Variants in PGM1 observed in about 807,000 individuals in gnomAD.
PGM1 encodes the protein phosphoglucomutase-1.
PGM1 carries 52 observed loss-of-function variants against 55.6 expected under a neutral mutation model. The ratio of observed to expected loss-of-function variants is 0.94; its 90% CI spans 0.75 to 1.18. PGM1 has a LOEUF of 1.18. Ranked by LOEUF, PGM1 falls within the 50% of genes most tolerant of loss-of-function variation. The probability of loss-of-function intolerance (pLI) is 0.00; values close to 1 mark genes in which losing one functional copy is unlikely to be tolerated. For missense variants in PGM1, 724 were observed against 729.3 expected (o/e 0.99, Z 0.08); for synonymous variants, 287 against 271.7 (o/e 1.06, Z -0.55).
At chr1:63,597,303 A>G (rs1471115604) in intron 1 of PGM1, among the ~76,000 whole-genome samples, 1 of 152,206 alleles carries the variant, frequency 6.6e-6, no homozygotes, top group Non-Finnish European at 1.5e-5. Context: ...GGGAGTTTAG[A>G]TTAGATACAA....
At position 63,593,571 on chromosome 1, in the gene PGM1, TGTTCCA is replaced by T; in HGVS notation, c.85_90del (p.Phe29_Gln30del). ...AGCGGGCTGCGGAAGCGGGTGAAGG[TGTTCCA>T]GAGCAGCGCCAACTACGCGGAGAAC... On this transcript the variant is annotated inframe_deletion, in exon 1 of 11. Transcript: ENST00000371084. 1 of 1,613,646 alleles carries T rather than the reference TGTTCCA, an allele frequency of 6.2e-7. No individual in the cohort carries two copies. The highest frequency in any genetic ancestry group is 1.1e-5 in the South Asian group (1 of 91,058).
chr1:63,613,429 G>A (rs1219850056), intron 1 of PGM1, among the ~76,000 whole-genome samples: 1 of 151,950 alleles, frequency 6.6e-6, no homozygotes, highest in Non-Finnish European at 1.5e-5. Flanking sequence ...AAGGCTCTAG[G>A]GGAGACTCTT....
At chr1:63,618,517 A>G (rs1350791692) in intron 1 of PGM1, among the ~76,000 whole-genome samples, 1 of 152,182 alleles carries the variant, frequency 6.6e-6, no homozygotes, top group Non-Finnish European at 1.5e-5. Context: ...AATGCCAAAT[A>G]TACCTAGTTT....
intron 7 of PGM1, among the ~76,000 whole-genome samples, chr1:63,645,301 A>T (rs965715285): frequency 6.6e-6 from 1 of 152,204 alleles, no homozygotes; most frequent in African/African-American, 2.4e-5. Flanking sequence ...TAAAAGAAAA[A>T]ATCAAATTCC....
At position 63,634,928 on chromosome 1, in the gene PGM1, A is replaced by G. The variant is rs1164462551; in HGVS notation, c.782A>G (p.His261Arg). ...CVPLEDFGGHHPDPNLTYAAD... is the reference protein window; with the variant it reads ...CVPLEDFGGHRPDPNLTYAAD... ...CCTCTGGAGGACTTTGGAGGCCACC[A>G]CCCTGACCCCAACCTCACCTATGCA... Residue 261 changes from histidine to arginine, a missense_variant, in exon 5 of 11, where the codon CAC becomes CGC. Around this residue, in one of 3 missense-constraint regions of PGM1, gnomAD observed 379 missense variants for 357.5 expected, o/e 1.06. Coordinates refer to ENST00000371084, the MANE Select transcript of PGM1 (RefSeq NM_002633.3). 6.2e-7 allele frequency: 1 copy of G among 1,614,036 alleles called. No homozygotes were observed. The highest frequency in any genetic ancestry group is 8.5e-7 in the Non-Finnish European group (1 of 1,179,996).
intron 1 of PGM1, among the ~76,000 whole-genome samples, chr1:63,620,515 G>A (rs370539490): frequency 7.2e-5 from 11 of 152,332 alleles, no homozygotes; most frequent in East Asian, 1.9e-4. Context: ...AATTCTTGGT[G>A]TGAAGAGGTG....
chr1:63,636,668 C>A (rs1056492872), intron 6 of PGM1, among the ~76,000 whole-genome samples: 2 of 152,238 alleles, frequency 1.3e-5, no homozygotes, highest in Non-Finnish European at 2.9e-5. Context: ...CTGTATACTT[C>A]TGCAGAGAAA....
intron 1 of PGM1, among the ~76,000 whole-genome samples, chr1:63,628,400 G>A (rs1175478895): frequency 6.6e-5 from 10 of 152,104 alleles, no homozygotes; most frequent in Admixed American, 5.9e-4. Flanking sequence ...AGTGGTTGAC[G>A]GTTTTCAATG....
At chr1:63,598,958 C>G (rs1648158642) in intron 1 of PGM1, among the ~76,000 whole-genome samples, 1 of 152,168 alleles carries the variant, frequency 6.6e-6, no homozygotes, top group Non-Finnish European at 1.5e-5. Flanking sequence ...TCTGAACTTT[C>G]ATGAGATCCA....
At chr1:63,632,293 T>C (rs1466743125) in intron 4 of PGM1, among the ~76,000 whole-genome samples, 2 of 152,248 alleles carry the variant, frequency 1.3e-5, no homozygotes, top group East Asian at 3.9e-4. Context: ...GTCAGGTCCA[T>C]AGAGAGGGCA....
At chr1:63,650,271 C>A (rs1034185918) in intron 8 of PGM1, among the ~76,000 whole-genome samples, 11 of 152,208 alleles carry the variant, frequency 7.2e-5, no homozygotes, top group African/African-American at 2.7e-4. Flanking sequence ...AGAGATAGGG[C>A]AGCTGGCCCT....
At chr1:63,609,996 C>G (rs184025610) in intron 1 of PGM1, among the ~76,000 whole-genome samples, 1 of 152,116 alleles carries the variant, frequency 6.6e-6, no homozygotes, top group Admixed American at 6.6e-5. Flanking sequence ...ACCACATAAC[C>G]TCAGTTCATA....
chr1:63,622,132 C>T (rs1214187492), intron 1 of PGM1, among the ~76,000 whole-genome samples: 1 of 152,168 alleles, frequency 6.6e-6, no homozygotes, highest in African/African-American at 2.4e-5. Flanking sequence ...TCAAGCAATT[C>T]TCCTGCCTCA....
In PGM1 at chr1:63,629,529, T is replaced by TCA; in HGVS notation, c.354_355dup (p.Asn119ThrfsTer26). On this transcript the variant is annotated frameshift_variant, in exon 2 of 11. Transcript: ENST00000371084. LOFTEE classifies it high-confidence loss of function. ...TTGGTGGGATCATTCTGACAGCCAGTCACAACCCAGGGGGCCCCAATGGAG... is the reference window on the plus strand; with the variant it reads ...TTGGTGGGATCATTCTGACAGCCAGTCACACAACCCAGGGGGCCCCAATGGAG... The TCA allele has an allele frequency of 6.2e-7, 1 of 1,613,888 alleles. No homozygotes were observed. The highest frequency in any genetic ancestry group is 8.5e-7 in the Non-Finnish European group (1 of 1,179,830).
intron 1 of PGM1, among the ~76,000 whole-genome samples, chr1:63,629,010 A>G (rs1649114283): frequency 6.6e-6 from 1 of 152,202 alleles, no homozygotes; most frequent in Non-Finnish European, 1.5e-5. Flanking sequence ...CCCTTTAATT[A>G]GCTAAACCTT....
chr1:63,616,839 C>T (rs918162996), intron 1 of PGM1, among the ~76,000 whole-genome samples: 1 of 152,176 alleles, frequency 6.6e-6, no homozygotes, highest in South Asian at 2.1e-4. Context: ...AATGTAATTT[C>T]TCCTTTTCTT....
At chr1:63,598,201 T>C (rs1042297336) in intron 1 of PGM1, among the ~76,000 whole-genome samples, 4 of 152,146 alleles carry the variant, frequency 2.6e-5, no homozygotes, top group African/African-American at 7.2e-5. Context: ...CTCGAACTCA[T>C]GGGCTCAAGC....
chr1:63,597,918 C>A (rs1402757977), intron 1 of PGM1, among the ~76,000 whole-genome samples: 2 of 152,132 alleles, frequency 1.3e-5, no homozygotes, highest in Non-Finnish European at 2.9e-5. Context: ...ATTCTTTTGT[C>A]ACGGCTCCTT....
At chr1:63,642,067 G>C (rs1649532103) in intron 7 of PGM1, among the ~76,000 whole-genome samples, 1 of 152,184 alleles carries the variant, frequency 6.6e-6, no homozygotes, top group African/African-American at 2.4e-5. Context: ...CCCTTGTAAT[G>C]ACTCAACACC....
Sources: allele counts gnomAD v4.1 joint callset (sites outside exome capture counted in the v4.1 genomes callset), GRCh38; gene constraint gnomAD v4.1.1; regional missense constraint gnomAD v4.1.1; transcripts MANE v1.5; gene names NCBI Gene and HGNC (gene_info 2026-07-23, HGNC 2026-07-21).